Variants in RYR3 observed in about 807,000 individuals in gnomAD.
The protein encoded by RYR3 is brain ryanodine receptor-calcium release channel.
A neutral mutation model predicts 584.3 loss-of-function variants in RYR3; 207 were observed. That is an observed-to-expected ratio of 0.35 (90% CI 0.32 to 0.40). The LOEUF (loss-of-function observed/expected upper bound fraction) is 0.40. Ranked by LOEUF, RYR3 falls within the 10% of genes least tolerant of loss-of-function variation. RYR3 has a pLI of 1.00. For synonymous variants in RYR3, 2,416 were observed against 2,248.5 expected, an observed-to-expected ratio of 1.07 and a Z score of -2.11; for missense variants, 5,616 against 6,089.2, an observed-to-expected ratio of 0.92 and a Z score of 2.59.
At chr15:33,776,631 G>A (rs1596537237) in intron 64 of RYR3, among the ~76,000 whole-genome samples, 2 of 152,128 alleles carry the variant, frequency 1.3e-5, no homozygotes, top group East Asian at 3.8e-4. Context: ...CTAGACCCGT[G>A]TCCTGCCCTG....
chr15:33,488,850 C>CA (rs2050724942), intron 2 of RYR3, among the ~76,000 whole-genome samples: 1 of 151,800 alleles, frequency 6.6e-6, no homozygotes, highest in South Asian at 2.1e-4. Context: ...GACTCTATCT[C>CA]AAAAAACAAA....
At chr15:33,792,262 A>G (rs2075206223) in intron 67 of RYR3, among the ~76,000 whole-genome samples, 1 of 152,140 alleles carries the variant, frequency 6.6e-6, no homozygotes, top group Non-Finnish European at 1.5e-5. Flanking sequence ...CTCTGTTCTG[A>G]TATCTGAGCA....
intron 39 of RYR3, among the ~76,000 whole-genome samples, chr15:33,697,328 C>A (rs2065921903): frequency 6.6e-6 from 1 of 152,200 alleles, no homozygotes; most frequent in African/African-American, 2.4e-5. Flanking sequence ...ATTCTCTCCC[C>A]AGCCTTCGTA....
intron 2 of RYR3, 66 bp from the exon 3 acceptor site, chr15:33,503,565 T>C (rs997356103): frequency 5.4e-5 from 49 of 906,718 alleles, no homozygotes; most frequent in Non-Finnish European, 8.2e-5. Context: ...GCCCTTGAGA[T>C]GTTGTTGCGT....
At chr15:33,737,086 C>A (rs914903311) in intron 49 of RYR3, among the ~76,000 whole-genome samples, 5 of 151,946 alleles carry the variant, frequency 3.3e-5, no homozygotes, top group Non-Finnish European at 5.9e-5. Flanking sequence ...AGACCACAGA[C>A]CCCTCTCTTT....
At chr15:33,795,686 G>A (rs570964976) in intron 67 of RYR3, among the ~76,000 whole-genome samples, 29 of 151,964 alleles carry the variant, frequency 1.9e-4, no homozygotes, top group African/African-American at 3.1e-4. Flanking sequence ...GCACCACGAC[G>A]CCTGGCTAAT....
intron 43 of RYR3, among the ~76,000 whole-genome samples, chr15:33,714,326 A>G (rs1050110442): frequency 5.3e-5 from 8 of 152,256 alleles, no homozygotes; most frequent in Admixed American, 1.3e-4. Flanking sequence ...TCTTTCTAAC[A>G]TTAATTTACT....
At chr15:33,419,552 A>T (rs2044079726) in intron 1 of RYR3, among the ~76,000 whole-genome samples, 1 of 152,170 alleles carries the variant, frequency 6.6e-6, no homozygotes, top group Admixed American at 6.5e-5. Flanking sequence ...CTTAGTTTGA[A>T]AAGATGTAAG....
chr15:33,458,334 C>G (rs2047734804), intron 1 of RYR3, among the ~76,000 whole-genome samples: 2 of 152,192 alleles, frequency 1.3e-5, no homozygotes, highest in South Asian at 4.1e-4. Context: ...CTCTCTGTGT[C>G]TTTGAGCTGG....
chr15:33,642,525 C>T (rs892585846), intron 27 of RYR3, among the ~76,000 whole-genome samples: 2 of 152,214 alleles, frequency 1.3e-5, no homozygotes, highest in African/African-American at 4.8e-5. Flanking sequence ...CTGTAAGCTC[C>T]TTGGGATTGG....
chr15:33,605,987 G>C (rs899887797), intron 18 of RYR3, among the ~76,000 whole-genome samples: 2 of 152,154 alleles, frequency 1.3e-5, no homozygotes. Context: ...TTAAGCCACT[G>C]CCTTGAACAT....
chr15:33,473,539 G>A lies in RYR3; in HGVS notation c.171+1G>A. On this transcript the variant is annotated splice_donor_variant, in intron 2 of 103. Coordinates refer to ENST00000634891, the MANE Select transcript of RYR3 (RefSeq NM_001036.6). LOFTEE classifies it high-confidence loss of function. ...CTTGGAACCCACTTCAGAAGCCAAG[G>A]TGAGATTGGCTGTCCGCCCTACACC... The A allele has an allele frequency of 1.2e-6, 2 of 1,613,970 alleles. No homozygotes were observed. The highest frequency in any genetic ancestry group is 1.7e-6 in the Non-Finnish European group (2 of 1,179,862).
intron 15 of RYR3, among the ~76,000 whole-genome samples, chr15:33,585,026 A>T (rs12595095): frequency 0.16 from 23,668 of 151,978 alleles, 2,485 homozygotes; most frequent in East Asian, 0.56. Context: ...GAGTGTGGTC[A>T]TCATTGGGAA....
intron 43 of RYR3, among the ~76,000 whole-genome samples, chr15:33,714,260 A>G (rs898927349): frequency 2.0e-5 from 3 of 152,198 alleles, no homozygotes; most frequent in Admixed American, 1.3e-4. Context: ...CTAATTTTAA[A>G]AATTTTAAGC....
At chr15:33,553,839 G>A (rs974073254) in intron 10 of RYR3, among the ~76,000 whole-genome samples, 1 of 152,144 alleles carries the variant, frequency 6.6e-6, no homozygotes, top group Non-Finnish European at 1.5e-5. Flanking sequence ...TCATCAATTT[G>A]CACCTCATTT....
chr15:33,616,259 A>G (rs577986636), intron 19 of RYR3, among the ~76,000 whole-genome samples: 16 of 152,292 alleles, frequency 1.1e-4, no homozygotes, highest in African/African-American at 3.1e-4. Flanking sequence ...GTGTTTAGAG[A>G]ATGGTACATC....
Position 33,725,178 on chromosome 15 carries a change from C to CACACACACACACACACACACATAT in RYR3, c.6912+1023_6912+1024insTATACACACACACACACACACACA, listed in dbSNP as rs1596320544. On this transcript the variant is annotated intron_variant, in intron 45 of 103. Transcript: ENST00000634891. The stretch of plus-strand genomic sequence containing the variant: ...TTACACACACACACACACACACACA[C>CACACACACACACACACACACATAT]ACACACACACACACACACACACACA... Among the ~76,000 whole-genome samples the CACACACACACACACACACACATAT allele has an allele frequency of 1.7e-4, 21 of 120,936 alleles. No individual in the cohort carries two copies. The South Asian group carries it at 3.3e-3, about 19-fold the overall frequency. 79.3% of individuals were successfully genotyped at this position (120,936 alleles called of 152,430 possible). A position where few individuals can be genotyped will look rare whatever the true frequency, so the allele number is the denominator to read the frequency against.
At chr15:33,529,737 T>C (rs1484452024) in intron 3 of RYR3, among the ~76,000 whole-genome samples, 2 of 152,194 alleles carry the variant, frequency 1.3e-5, no homozygotes, top group Non-Finnish European at 2.9e-5. Flanking sequence ...GAAATGTTGA[T>C]GCCAAAAACT....
intron 50 of RYR3, among the ~76,000 whole-genome samples, chr15:33,739,496 GC>G (rs1567064642): frequency 3.4e-5 from 5 of 147,244 alleles, no homozygotes; most frequent in Admixed American, 6.8e-5. Flanking sequence ...ACCATCCTTA[GC>G]AGACAAGTTT....
Sources: gnomAD v4.1 joint callset for allele counts (sites outside exome capture counted in the v4.1 genomes callset) on GRCh38, gnomAD v4.1.1 for gene constraint, MANE v1.5 for transcripts, NCBI Gene and HGNC (gene_info 2026-07-23, HGNC 2026-07-21) for gene names.